Variants in ZFYVE9 observed in about 807,000 individuals in gnomAD.
ZFYVE9 encodes the protein zinc finger FYVE-type containing 9.
Under a neutral mutation model 126.7 loss-of-function variants are expected in ZFYVE9, and 43 were observed. The ratio of observed to expected loss-of-function variants is 0.34; its 90% CI spans 0.27 to 0.44. ZFYVE9 has a LOEUF of 0.44. ZFYVE9 is among the 20% of genes least tolerant of loss of function. The probability of loss-of-function intolerance (pLI) is 1.00; values close to 1 mark genes in which losing one functional copy is unlikely to be tolerated. For missense variants in ZFYVE9, 1,476 were observed against 1,697.0 expected, an observed-to-expected ratio of 0.87 and a Z score of 2.29; for synonymous variants, 521 against 597.4, an observed-to-expected ratio of 0.87 and a Z score of 1.87.
At chr1:52,243,835 A>G (rs1218061373) in intron 4 of ZFYVE9, among the ~76,000 whole-genome samples, 1 of 152,104 alleles carries the variant, frequency 6.6e-6, no homozygotes, top group East Asian at 1.9e-4. Flanking sequence ...TGTAAGGAGC[A>G]CAGTGGGAAG....
At position 52,295,851 on chromosome 1, in the gene ZFYVE9, T is replaced by G. The variant is rs2147833230; in HGVS notation, c.3251-44T>G. On this transcript the variant is annotated intron_variant, in intron 11 of 18. Transcript: ENST00000287727. ...GTCATGAAATCTCTTTTACCAAAGT[T>G]TTATGTTGCCAAATTTAAGTTTGAT... 3 of 1,537,916 alleles carry G rather than the reference T, an allele frequency of 2.0e-6. No individual in the cohort carries two copies. The South Asian group carries it at 3.5e-5, about 18-fold the overall frequency.
chr1:52,197,346 A>G (rs1427552881), intron 1 of ZFYVE9, among the ~76,000 whole-genome samples: 1 of 152,162 alleles, frequency 6.6e-6, no homozygotes, highest in Non-Finnish European at 1.5e-5. Flanking sequence ...GTATGTGTTG[A>G]GATGTGTGTG....
chr1:52,276,940 C>A (rs1181129452), intron 8 of ZFYVE9, among the ~76,000 whole-genome samples: 2 of 152,186 alleles, frequency 1.3e-5, no homozygotes, highest in East Asian at 3.8e-4. Context: ...GTAGTAGGCT[C>A]TCAGCAAATG....
At chr1:52,170,020 T>TA (rs1644550181) in intron 1 of ZFYVE9, among the ~76,000 whole-genome samples, 1 of 152,222 alleles carries the variant, frequency 6.6e-6, no homozygotes, top group African/African-American at 2.4e-5. Context: ...TTGCAGATTT[T>TA]ACTTAAGAAG....
chr1:52,297,440 T>TG (rs1157094139), intron 12 of ZFYVE9, among the ~76,000 whole-genome samples: 2 of 151,906 alleles, frequency 1.3e-5, no homozygotes, highest in Non-Finnish European at 2.9e-5. Flanking sequence ...GGTTTTACCT[T>TG]GTTGGCCAGG....
intron 10 of ZFYVE9, among the ~76,000 whole-genome samples, chr1:52,282,491 C>A (rs17107146): frequency 6.6e-6 from 1 of 152,198 alleles, no homozygotes; most frequent in Admixed American, 6.5e-5. Flanking sequence ...TACATAATAT[C>A]TGTATTTGAT....
At chr1:52,148,950 T>G in intron 1 of ZFYVE9, among the ~76,000 whole-genome samples, 1 of 84,106 alleles carries the variant, frequency 1.2e-5, no homozygotes, top group Admixed American at 1.1e-4. Flanking sequence ...TAACATGATT[T>G]TTTTTTTTTT....
At chr1:52,148,840 C>T (rs1328448732) in intron 1 of ZFYVE9, among the ~76,000 whole-genome samples, 3 of 150,402 alleles carry the variant, frequency 2.0e-5, no homozygotes, top group African/African-American at 7.3e-5. Flanking sequence ...CGGGATTTCA[C>T]CATGTTGGCC....
chr1:52,184,347 C>T (rs994929249), intron 1 of ZFYVE9, among the ~76,000 whole-genome samples: 1 of 148,670 alleles, frequency 6.7e-6, no homozygotes, highest in African/African-American at 2.5e-5. Context: ...GTACCTCAGC[C>T]TCCCAAGTAG....
chr1:52,159,537 C>T (rs1644436718), intron 1 of ZFYVE9, among the ~76,000 whole-genome samples: 1 of 152,088 alleles, frequency 6.6e-6, no homozygotes, highest in South Asian at 2.1e-4. Context: ...TTAAAGGAGT[C>T]CTGCATTGGA....
intron 1 of ZFYVE9, among the ~76,000 whole-genome samples, chr1:52,210,475 T>A (rs1397859408): frequency 1.3e-5 from 2 of 152,196 alleles, no homozygotes; most frequent in East Asian, 1.9e-4. Flanking sequence ...TTTTTCCCTG[T>A]CCCTATTAAG....
chr1:52,206,331 T>C (rs1644977616), intron 1 of ZFYVE9, among the ~76,000 whole-genome samples: 1 of 152,182 alleles, frequency 6.6e-6, no homozygotes, highest in Non-Finnish European at 1.5e-5. Flanking sequence ...TGAAAGTATA[T>C]GTGTGTATGG....
rs564135879 is a variant in ZFYVE9 at position 52,177,660 on chromosome 1, C to T, written c.-143+35257C>T. ...GATGATCAGTTCCATCTGGAGAGAT[C>T]GAGGAAAGCTTGACTGAAATGGTGA... On this transcript the variant is annotated intron_variant, in intron 1 of 18. Transcript: ENST00000287727. Among the ~76,000 whole-genome samples the T allele has an allele frequency of 2.6e-5, 4 of 152,218 alleles. No homozygotes were observed. In the South Asian group the frequency reaches 8.3e-4, roughly 32 times the overall value.
At chr1:52,321,437 T>C (rs1473756881) in intron 13 of ZFYVE9, among the ~76,000 whole-genome samples, 1 of 152,190 alleles carries the variant, frequency 6.6e-6, no homozygotes, top group Non-Finnish European at 1.5e-5. Flanking sequence ...TGATGTTCCA[T>C]TGATTATTGG....
chr1:52,342,334 C>T (rs187715527), intron 17 of ZFYVE9, among the ~76,000 whole-genome samples: 144 of 146,230 alleles, frequency 9.8e-4, no homozygotes, highest in African/African-American at 3.4e-3. Flanking sequence ...GGCGCAATCT[C>T]GGCTCACTGC....
chr1:52,288,649 G>A (rs999857867), intron 10 of ZFYVE9, among the ~76,000 whole-genome samples: 10 of 152,076 alleles, frequency 6.6e-5, no homozygotes, highest in East Asian at 1.9e-4. Context: ...GGCCGGGTGC[G>A]GTGGGTCACG....
chr1:52,297,459 A>T (rs955981672), intron 12 of ZFYVE9, among the ~76,000 whole-genome samples: 1 of 151,624 alleles, frequency 6.6e-6, no homozygotes, highest in Non-Finnish European at 1.5e-5. Flanking sequence ...GGCTGGTCTC[A>T]AACTCCTGAC....
chr1:52,172,986 C>G (rs1362950489), intron 1 of ZFYVE9, among the ~76,000 whole-genome samples: 1 of 151,308 alleles, frequency 6.6e-6, no homozygotes, highest in Non-Finnish European at 1.5e-5. Flanking sequence ...AATTGAATAC[C>G]CTTTATTTCC....
intron 2 of ZFYVE9, among the ~76,000 whole-genome samples, chr1:52,222,534 G>A (rs1645132869): frequency 6.6e-6 from 1 of 152,214 alleles, no homozygotes; most frequent in East Asian, 1.9e-4. Context: ...TGCACTAGCC[G>A]GGATGACCTG....
Sources: gnomAD v4.1 joint callset for allele counts (sites outside exome capture counted in the v4.1 genomes callset) on GRCh38, gnomAD v4.1.1 for gene constraint, MANE v1.5 for transcripts, NCBI Gene and HGNC (gene_info 2026-07-23, HGNC 2026-07-21) for gene names.